The following ARSK variants were observed in gnomAD, a reference collection of about 807,000 sequenced individuals.
The protein encoded by ARSK is arylsulfatase family member K.
ARSK carries 37 observed loss-of-function variants against 53.2 expected under a neutral mutation model. That is an observed-to-expected ratio of 0.70 (90% CI 0.54 to 0.92). The LOEUF is 0.92. Among genes scored for constraint, ARSK ranks in the 40% least tolerant of loss-of-function variants. ARSK has a pLI of 0.00. For synonymous variants in ARSK, 208 were observed against 223.2 expected, an observed-to-expected ratio of 0.93 and a Z score of 0.61; for missense variants, 613 against 643.0, an observed-to-expected ratio of 0.95 and a Z score of 0.51.
At chr5:95,582,816 C>G in intron 3 of ARSK, 100 bp from the exon 4 acceptor site, 1 of 1,168,890 alleles carries the variant, frequency 8.6e-7, no homozygotes, top group Non-Finnish European at 1.2e-6. Flanking sequence ...AAGACTGAGT[C>G]TAAAAATTGT....
chr5:95,586,976 A>T (rs1409767281), intron 5 of ARSK, among the ~76,000 whole-genome samples: 1 of 152,204 alleles, frequency 6.6e-6, no homozygotes, highest in Non-Finnish European at 1.5e-5. Context: ...AAAGGGTCAC[A>T]GAAGGCTATC....
chr5:95,583,858 T>G (rs1201042122), intron 4 of ARSK, among the ~76,000 whole-genome samples: 2 of 152,214 alleles, frequency 1.3e-5, no homozygotes, highest in African/African-American at 2.4e-5. Flanking sequence ...TTTTGCACTT[T>G]CAATGTAATG....
Position 95,575,924 on chromosome 5 carries a change from A to G in ARSK, c.417-6992A>G, listed in dbSNP as rs146269151. 2.1e-3 allele frequency among the ~76,000 whole-genome samples: 316 copies of G among 152,296 alleles called. 1 individual carries two copies. Among genetic ancestry groups the G allele is most frequent in the African/African-American group, 7.1e-3 (296 of 41,566 alleles). On this transcript the variant is annotated intron_variant, in intron 3 of 7. Coordinates refer to ENST00000380009, the MANE Select transcript of ARSK (RefSeq NM_198150.3). ...GCTAGGACTTCCAGTACTATGTTCAATAACAGTGGTGACAGTGGGCATTCT... is the reference window on the plus strand; with the variant it reads ...GCTAGGACTTCCAGTACTATGTTCAGTAACAGTGGTGACAGTGGGCATTCT...
intron 3 of ARSK, among the ~76,000 whole-genome samples, chr5:95,572,661 C>T (rs1450694911): frequency 1.3e-5 from 2 of 152,126 alleles, no homozygotes; most frequent in Non-Finnish European, 2.9e-5. Flanking sequence ...CCCTGTAGTC[C>T]CAGCTCCTCG....
rs1580225036 is a variant in ARSK, at chr5:95,583,253, G to C, written c.699+55G>C. 4 of 1,348,766 alleles carry C rather than the reference G, an allele frequency of 3.0e-6. 1 individual carries two copies. In the South Asian group the frequency reaches 8.6e-5, roughly 29 times the overall value. 83.5% of individuals were successfully genotyped at this position (1,348,766 alleles called of 1,614,324 possible). On this transcript the variant is annotated intron_variant, in intron 4 of 7. Transcript: ENST00000380009. ...GTAGATTTATATATGTGGCTTATTG[G>C]TATTTGCTCATTGTTTCTTTTATTA...
intron 4 of ARSK, among the ~76,000 whole-genome samples, chr5:95,586,272 C>G (rs918178964): frequency 4.6e-5 from 7 of 152,086 alleles, no homozygotes; most frequent in Admixed American, 3.9e-4. Flanking sequence ...TCTGGATTAG[C>G]ATGTACTGTC....
At chr5:95,597,808 C>T (rs1749337650) in intron 6 of ARSK, among the ~76,000 whole-genome samples, 2 of 151,320 alleles carry the variant, frequency 1.3e-5, no homozygotes, top group Admixed American at 6.6e-5. Context: ...GCAGGAGAAT[C>T]ACTTGAACCT....
chr5:95,586,866 C>T (rs1162066024), intron 5 of ARSK, 133 bp downstream of exon 5: 2 of 641,046 alleles, frequency 3.1e-6, no homozygotes, highest in Non-Finnish European at 5.0e-6. Flanking sequence ...CTTATCAAAA[C>T]TTGATAACTT....
chr5:95,577,054 G>T (rs1353446552), intron 3 of ARSK, among the ~76,000 whole-genome samples: 2 of 152,148 alleles, frequency 1.3e-5, no homozygotes, highest in African/African-American at 2.4e-5. Context: ...ACATAATGTG[G>T]CCAACTAGGT....
intron 6 of ARSK, among the ~76,000 whole-genome samples, chr5:95,592,324 G>A (rs569762931): frequency 6.6e-6 from 1 of 152,184 alleles, no homozygotes; most frequent in Admixed American, 6.5e-5. Context: ...AAAAAAAATA[G>A]CACAAGTTAT....
chr5:95,580,099 A>G (rs1434121281), intron 3 of ARSK, among the ~76,000 whole-genome samples: 1 of 152,196 alleles, frequency 6.6e-6, no homozygotes, highest in Non-Finnish European at 1.5e-5. Flanking sequence ...GCAGCAGGGT[A>G]AATTTATATT....
At chr5:95,602,309 A>C (rs996651560) in intron 7 of ARSK, among the ~76,000 whole-genome samples, 2 of 152,180 alleles carry the variant, frequency 1.3e-5, no homozygotes, top group Non-Finnish European at 2.9e-5. Flanking sequence ...TTGTTCTTTA[A>C]ATTTGTTGAA....
At chr5:95,579,786 C>A (rs920293864) in intron 3 of ARSK, among the ~76,000 whole-genome samples, 9 of 152,158 alleles carry the variant, frequency 5.9e-5, no homozygotes, top group African/African-American at 1.7e-4. Flanking sequence ...TTAAGAGGGG[C>A]ATGATATAAT....
intron 2 of ARSK, among the ~76,000 whole-genome samples, 193 bp downstream of exon 2, chr5:95,566,320 AT>A (rs1256947270): frequency 6.6e-6 from 1 of 152,172 alleles, no homozygotes; most frequent in Non-Finnish European, 1.5e-5. Context: ...AAGAGTAGGA[AT>A]TTTTATCATT....
intron 3 of ARSK, among the ~76,000 whole-genome samples, chr5:95,569,264 G>C (rs1748782185): frequency 6.6e-6 from 1 of 152,030 alleles, no homozygotes; most frequent in Non-Finnish European, 1.5e-5. Context: ...TGTTGTGATG[G>C]TGATGATGAT....
At chr5:95,583,627 AAG>A (rs1187491477) in intron 4 of ARSK, among the ~76,000 whole-genome samples, 2 of 152,142 alleles carry the variant, frequency 1.3e-5, no homozygotes, top group Non-Finnish European at 2.9e-5. Context: ...AAAATTGAAA[AAG>A]AAAAAATAAA....
Position 95,604,626 on chromosome 5 carries a change from A to G in ARSK, c.*1100A>G, listed in dbSNP as rs750388415. Reference sequence around the variant, plus strand: ...TAGCAAAATTACACTAGATACTACAAATTACCTCTAAAGAAGGTATACTAA... The same window carrying G: ...TAGCAAAATTACACTAGATACTACAGATTACCTCTAAAGAAGGTATACTAA... On this transcript the variant is annotated 3_prime_UTR_variant, in exon 8 of 8. Transcript: ENST00000380009. 1 of 152,210 alleles carries G rather than the reference A, an allele frequency of 6.6e-6. No homozygotes were observed. The highest frequency in any genetic ancestry group is 2.4e-5 in the African/African-American group (1 of 41,440). The allele number at this position is 152,210 out of a possible 1,614,324, so 9.4% of individuals were successfully genotyped here. A position where few individuals can be genotyped will look rare whatever the true frequency, so the allele number is the denominator to read the frequency against.
intron 2 of ARSK, among the ~76,000 whole-genome samples, chr5:95,566,748 T>C (rs1388877523): frequency 6.6e-6 from 1 of 152,190 alleles, no homozygotes; most frequent in Non-Finnish European, 1.5e-5. Flanking sequence ...ATTCTATCTA[T>C]TGTCTGATGG....
chr5:95,567,778 T>C, intron 2 of ARSK, 112 bp from the exon 3 acceptor site: 1 of 1,036,246 alleles, frequency 9.7e-7, no homozygotes, highest in Non-Finnish European at 1.4e-6. Flanking sequence ...GGGTACGTCT[T>C]ACTGCAGAGC....
Sources: allele counts gnomAD v4.1 joint callset (sites outside exome capture counted in the v4.1 genomes callset), GRCh38; gene constraint gnomAD v4.1.1; transcripts MANE v1.5; gene names NCBI Gene and HGNC (gene_info 2026-07-23, HGNC 2026-07-21).